Variants in CCDC112 observed in about 807,000 individuals in gnomAD.
The protein encoded by CCDC112 is coiled-coil domain containing 112.
Under a neutral mutation model 66.3 loss-of-function variants are expected in CCDC112, and 40 were observed. That is an observed-to-expected ratio of 0.60 (90% CI 0.47 to 0.79). CCDC112 has a LOEUF of 0.79. Among genes scored for constraint, CCDC112 ranks in the 30% least tolerant of loss-of-function variants. CCDC112 has a pLI of 0.00. For synonymous variants in CCDC112, 214 were observed against 197.2 expected (o/e 1.09, Z -0.71); for missense variants, 659 against 603.8 (o/e 1.09, Z -0.96).
intron 7 of CCDC112, 131 bp downstream of exon 7, chr5:115,271,082 T>G: frequency 1.3e-6 from 1 of 750,996 alleles, no homozygotes; most frequent in Non-Finnish European, 2.1e-6. Flanking sequence ...GGAGCACGGC[T>G]TACTCATTTT....
At chr5:115,284,538 T>C (rs904554757) in intron 2 of CCDC112, among the ~76,000 whole-genome samples, 4 of 152,160 alleles carry the variant, frequency 2.6e-5, no homozygotes, top group African/African-American at 7.2e-5. Flanking sequence ...CTATTTTTTT[T>C]CCCTTGAAAT....
intron 1 of CCDC112, among the ~76,000 whole-genome samples, chr5:115,294,877 T>C (rs962370407): frequency 6.6e-6 from 1 of 152,156 alleles, no homozygotes; most frequent in African/African-American, 2.4e-5. Context: ...TTTGTTTTGT[T>C]TTTTTAAAAA....
chr5:115,279,883 T>A, intron 2 of CCDC112, 115 bp from the exon 3 acceptor site: 1 of 616,960 alleles, frequency 1.6e-6, no homozygotes, highest in South Asian at 2.4e-5. Flanking sequence ...ATCTATGGAA[T>A]AAAAATAATT....
intron 2 of CCDC112, among the ~76,000 whole-genome samples, chr5:115,281,303 C>T (rs903072061): frequency 6.6e-6 from 1 of 152,250 alleles, no homozygotes; most frequent in Non-Finnish European, 1.5e-5. Context: ...GGATTACAGG[C>T]ATGAGCCACC....
At chr5:115,278,020 C>A (rs1464842056) in intron 3 of CCDC112, among the ~76,000 whole-genome samples, 1 of 152,058 alleles carries the variant, frequency 6.6e-6, no homozygotes, top group Non-Finnish European at 1.5e-5. Flanking sequence ...CCAAAATAAA[C>A]CTCTTAATAC....
intron 9 of CCDC112, among the ~76,000 whole-genome samples, chr5:115,268,150 G>A (rs534276520): frequency 6.6e-6 from 1 of 151,954 alleles, no homozygotes; most frequent in Non-Finnish European, 1.5e-5. Context: ...TTAATCTATC[G>A]ATCTTTCATT....
chr5:115,271,044 C>T lies in CCDC112; in HGVS notation c.1332+169G>A, dbSNP rs180857204. 1.1e-4 allele frequency among the ~76,000 whole-genome samples: 16 copies of T among 152,316 alleles called. No homozygotes were observed. In the East Asian group the frequency reaches 2.5e-3, roughly 24 times the overall value. ...ATCTCCTACTTCCACATATCTTTCC[C>T]ACTAGACTATAACCTACTAGAAGTT... On this transcript the variant is annotated intron_variant, in intron 7 of 9. Transcript: ENST00000379611.
In CCDC112 at chr5:115,279,713, A is replaced by C. The variant is rs764941687; in HGVS notation, c.295T>G (p.Phe99Val). ...HSHFYNQKSD[F>V]RIEHSMLEEL... The stretch of plus-strand genomic sequence containing the variant: ...TCTAGCATACTATGCTCAATTCTGA[A>C]GTCACTTTTTTGGTTGTAGAAATGA... The change falls in exon 3 of 10, where the codon TTC becomes GTC. Residue 99 changes from phenylalanine to valine, a missense_variant. Physicochemically the swap from Phe to Val is conservative, Grantham distance 50. Coordinates refer to ENST00000379611, the MANE Select transcript of CCDC112 (RefSeq NM_001040440.3). 54 of 1,601,942 alleles carry C rather than the reference A, an allele frequency of 3.4e-5. No individual in the cohort carries two copies. The highest frequency in any genetic ancestry group is 5.4e-5 in the African/African-American group (4 of 74,732).
At chr5:115,279,072 C>G (rs1749330196) in intron 3 of CCDC112, among the ~76,000 whole-genome samples, 1 of 152,088 alleles carries the variant, frequency 6.6e-6, no homozygotes, top group Admixed American at 6.5e-5. Flanking sequence ...AACAAAAGAA[C>G]ATAGTCATGT....
chr5:115,286,207 C>A (rs1311836308), intron 1 of CCDC112, among the ~76,000 whole-genome samples: 1 of 152,154 alleles, frequency 6.6e-6, no homozygotes, highest in African/African-American at 2.4e-5. Context: ...CTCCCCATTC[C>A]CCTTCCTCCC....
At chr5:115,284,530 A>G (rs1234442514) in intron 2 of CCDC112, among the ~76,000 whole-genome samples, 2 of 151,978 alleles carry the variant, frequency 1.3e-5, no homozygotes, top group Non-Finnish European at 2.9e-5. Flanking sequence ...AGAAACAGCT[A>G]TTTTTTTTCC....
At chr5:115,275,172 G>C (rs763861748) in intron 6 of CCDC112, 44 bp downstream of exon 6, 2 of 1,445,934 alleles carry the variant, frequency 1.4e-6, no homozygotes, top group Non-Finnish European at 1.9e-6. Flanking sequence ...ACAGTGCCTA[G>C]AACATAGAAA....
At chr5:115,295,333 C>T (rs1295186733) in intron 1 of CCDC112, among the ~76,000 whole-genome samples, 1 of 152,144 alleles carries the variant, frequency 6.6e-6, no homozygotes, top group Non-Finnish European at 1.5e-5. Flanking sequence ...AACATGGTGT[C>T]ACACATTTTT....
At chr5:115,275,751 T>C (rs1749181300) in intron 5 of CCDC112, 145 bp from the exon 6 acceptor site, 1 of 695,556 alleles carries the variant, frequency 1.4e-6, no homozygotes, top group African/African-American at 1.8e-5. Context: ...TAAAAGAGTC[T>C]CCTCAGAGAT....
At chr5:115,291,088 A>T (rs1749909240) in intron 1 of CCDC112, among the ~76,000 whole-genome samples, 1 of 152,090 alleles carries the variant, frequency 6.6e-6, no homozygotes, top group Non-Finnish European at 1.5e-5. Context: ...TCCATATTTG[A>T]TCATTAAGTA....
At chr5:115,278,715 G>A (rs1399370063) in intron 3 of CCDC112, among the ~76,000 whole-genome samples, 2 of 152,168 alleles carry the variant, frequency 1.3e-5, no homozygotes, top group East Asian at 3.9e-4. Context: ...GAAGGAAAAT[G>A]ATTCCTGCCA....
At chr5:115,270,837 C>A (rs1748964413) in intron 7 of CCDC112, among the ~76,000 whole-genome samples, 1 of 152,212 alleles carries the variant, frequency 6.6e-6, no homozygotes, top group Non-Finnish European at 1.5e-5. Flanking sequence ...CTCTTTCAAG[C>A]TGCTATTCAT....
Position 115,271,214 on chromosome 5 carries a change from C to T in CCDC112, c.1331G>A (p.Arg444Lys), listed in dbSNP as rs746918345. Residue 444 changes from arginine to lysine, a missense_variant and splice_region_variant, in exon 7 of 10, where the codon AGA becomes AAA. Transcript: ENST00000379611. ...TATTTAGGAAATAGATTTACTCACT[C>T]TTTCTTGAAATCTGGAAATTTCATC... ...AADEISRFQE[R>K]DLHKLELKIL... 3 of 1,576,088 alleles carry T rather than the reference C, an allele frequency of 1.9e-6. No individual in the cohort carries two copies. In the Admixed American group the frequency reaches 6.2e-5, roughly 32 times the overall value.
intron 1 of CCDC112, chr5:115,289,012 A>G (rs1041858418): frequency 3.5e-6 from 1 of 288,808 alleles, no homozygotes; most frequent in African/African-American, 2.3e-5. Flanking sequence ...TTTTTTAACC[A>G]AATTCATTTT....
Sources: gnomAD v4.1 joint callset for allele counts (sites outside exome capture counted in the v4.1 genomes callset) on GRCh38, gnomAD v4.1.1 for gene constraint, MANE v1.5 for transcripts, NCBI Gene and HGNC (gene_info 2026-07-23, HGNC 2026-07-21) for gene names.